Variants in DMD observed in about 807,000 individuals in gnomAD.
DMD encodes mutant dystrophin.
Under a neutral mutation model 330.1 loss-of-function variants are expected in DMD, and 63 were observed. The observed-to-expected ratio is 0.19, with a 90% CI of 0.16 to 0.24. DMD has a LOEUF of 0.24. Ranked by LOEUF, DMD falls within the 10% of genes least tolerant of loss-of-function variation. The pLI, the probability that DMD is intolerant of heterozygous loss-of-function variation, is 1.00. For synonymous variants in DMD, 1,223 were observed against 959.8 expected (o/e 1.27, Z -5.07); for missense variants, 3,344 against 2,684.1 (o/e 1.25, Z -5.43).
intron 43 of DMD, among the ~76,000 whole-genome samples, chrX:32,257,451 A>T (rs1290165056): frequency 8.9e-6 from 1 of 111,996 alleles, no homozygotes; most frequent in Non-Finnish European, 1.9e-5. Context: ...ACAGACTGGT[A>T]CTGGTAGCAA....
At chrX:32,705,644 T>A (rs1040952000) in intron 7 of DMD, among the ~76,000 whole-genome samples, 2 of 111,419 alleles carry the variant, frequency 1.8e-5, no homozygotes, top group Non-Finnish European at 3.8e-5. Context: ...TGAAAAGCCG[T>A]CTCAACTAAA....
intron 7 of DMD, among the ~76,000 whole-genome samples, chrX:32,802,988 A>G (rs1408728092): frequency 9.0e-6 from 1 of 111,687 alleles, no homozygotes; most frequent in Non-Finnish European, 1.9e-5. Context: ...TCATAAAATG[A>G]GTTAGGGAGG....
At chrX:32,964,105 A>C (rs1227410625) in intron 2 of DMD, among the ~76,000 whole-genome samples, 4 of 107,922 alleles carry the variant, frequency 3.7e-5, no homozygotes, top group Non-Finnish European at 7.7e-5. Flanking sequence ...AAAATACAAA[A>C]ATTAGCTGGG....
chrX:33,201,025 G>A (rs1033642183), intron 1 of DMD, among the ~76,000 whole-genome samples: 1 of 89,427 alleles, frequency 1.1e-5, no homozygotes, highest in Non-Finnish European at 2.1e-5. Context: ...TCCACCTCCC[G>A]GGCTCAAGTG....
intron 48 of DMD, among the ~76,000 whole-genome samples, chrX:31,856,329 T>C (rs1213041955): frequency 8.9e-6 from 1 of 112,299 alleles, no homozygotes. Flanking sequence ...CTAGGTGTTC[T>C]CATATGTCTA....
intron 62 of DMD, among the ~76,000 whole-genome samples, chrX:31,275,521 G>A (rs752026017): frequency 2.4e-4 from 27 of 111,242 alleles, no homozygotes; most frequent in Non-Finnish European, 4.3e-4. Flanking sequence ...GAAACAGGTC[G>A]ACAAAGAATT....
intron 52 of DMD, among the ~76,000 whole-genome samples, chrX:31,697,898 T>C (rs1415299729): frequency 8.9e-6 from 1 of 111,830 alleles, no homozygotes; most frequent in East Asian, 2.8e-4. Context: ...TGGATTTAAA[T>C]GGGAAAAGTT....
intron 13 of DMD, among the ~76,000 whole-genome samples, chrX:32,595,267 A>G (rs955683855): frequency 6.3e-5 from 7 of 111,496 alleles, no homozygotes; most frequent in Non-Finnish European, 1.3e-4. Context: ...AATACAGAAG[A>G]GTATAGGCCC....
At chrX:32,999,507 T>C (rs1181043307) in intron 2 of DMD, among the ~76,000 whole-genome samples, 7 of 111,536 alleles carry the variant, frequency 6.3e-5, no homozygotes, top group Middle Eastern at 4.7e-3. Context: ...TGTTTAAACA[T>C]TGATGACCAA....
chrX:32,682,212 C>G (rs2062477194), intron 9 of DMD, among the ~76,000 whole-genome samples: 2 of 111,674 alleles, frequency 1.8e-5, no homozygotes, highest in Admixed American at 1.9e-4. Context: ...TATATGTTCC[C>G]CATGCTTGGT....
chrX:31,300,239 T>C (rs1297376409), intron 62 of DMD, among the ~76,000 whole-genome samples: 3 of 112,398 alleles, frequency 2.7e-5, no homozygotes, highest in African/African-American at 9.7e-5. Context: ...GTGTATTTGC[T>C]GGATATGGAA....
rs192245569 is a variant in DMD at position 31,173,887 on chromosome X, T to G, written c.10263-283A>C. Among the ~76,000 whole-genome samples the G allele has an allele frequency of 1.5e-3, 173 of 111,941 alleles. 1 individual carries two copies. Among genetic ancestry groups the G allele is most frequent in the Admixed American group, 0.014 (147 of 10,522 alleles). ...AGAAAAGGTTGGGGGAGACAGTTTC[T>G]AGGAAGCATTTTGTCCTCCTACTTT... is the stretch of plus-strand genomic sequence containing the variant. On this transcript the variant is annotated intron_variant, in intron 71 of 78. Coordinates refer to ENST00000357033, the MANE Select transcript of DMD (RefSeq NM_004006.3).
chrX:32,647,075 G>A (rs1228722331), intron 9 of DMD, among the ~76,000 whole-genome samples: 3 of 111,403 alleles, frequency 2.7e-5, no homozygotes, highest in African/African-American at 6.5e-5. Context: ...AGAGATGTGC[G>A]CAGGTGGAAC....
chrX:31,844,248 C>T (rs992938785), intron 48 of DMD, among the ~76,000 whole-genome samples: 3 of 109,978 alleles, frequency 2.7e-5, no homozygotes, highest in Non-Finnish European at 3.8e-5. Flanking sequence ...CCTCTGGATA[C>T]GGTTAGCCAG....
chrX:31,915,821 T>A (rs2094602744), intron 47 of DMD, among the ~76,000 whole-genome samples: 1 of 111,754 alleles, frequency 8.9e-6, no homozygotes, highest in South Asian at 3.7e-4. Context: ...ACTGAATACC[T>A]TACTTGTGAG....
intron 60 of DMD, among the ~76,000 whole-genome samples, chrX:31,363,166 C>G (rs1446935976): frequency 9.0e-6 from 1 of 111,333 alleles, no homozygotes; most frequent in Non-Finnish European, 1.9e-5. Context: ...TACGTTAATT[C>G]AAGTTAATAT....
intron 41 of DMD, among the ~76,000 whole-genome samples, chrX:32,318,208 A>T (rs770991153): frequency 1.2e-3 from 129 of 111,523 alleles, no homozygotes; most frequent in African/African-American, 4.0e-3. Context: ...AGTAATAAAC[A>T]AAGTTGAGAG....
chrX:32,473,086 A>C (rs1239070104), intron 21 of DMD, among the ~76,000 whole-genome samples: 1 of 111,467 alleles, frequency 9.0e-6, no homozygotes, highest in Non-Finnish European at 1.9e-5. Flanking sequence ...ATGTGACTTA[A>C]GCAGCCACAT....
intron 1 of DMD, among the ~76,000 whole-genome samples, chrX:33,269,127 C>T (rs187368150): frequency 1.7e-3 from 183 of 110,850 alleles, no homozygotes; most frequent in African/African-American, 5.6e-3. Context: ...ATCAAAAAGA[C>T]ACATGCACTG....
Sources: gnomAD v4.1 joint callset for allele counts (sites outside exome capture counted in the v4.1 genomes callset) on GRCh38, gnomAD v4.1.1 for gene constraint, MANE v1.5 for transcripts, NCBI Gene and HGNC (gene_info 2026-07-23, HGNC 2026-07-21) for gene names.